NOL4: variants seen among roughly 807,000 people sequenced by gnomAD.
NOL4 encodes the protein cancer/testis antigen 125.
NOL4 carries 17 observed loss-of-function variants against 75.9 expected under a neutral mutation model. The ratio of observed to expected loss-of-function variants is 0.22; its 90% CI spans 0.15 to 0.34. The LOEUF (loss-of-function observed/expected upper bound fraction) is 0.34. Ranked by LOEUF, NOL4 falls within the 10% of genes least tolerant of loss-of-function variation. NOL4 has a pLI of 1.00. For synonymous variants in NOL4, 292 were observed against 289.9 expected (o/e 1.01, Z -0.07); for missense variants, 614 against 793.5 (o/e 0.77, Z 2.72).
chr18:33,859,371 G>A (rs2062983015), intron 10 of NOL4, among the ~76,000 whole-genome samples: 1 of 152,108 alleles, frequency 6.6e-6, no homozygotes, highest in Non-Finnish European at 1.5e-5. Context: ...GAAAGAATAT[G>A]TATTGTTAGA....
chr18:34,183,565 G>T lies in NOL4; in HGVS notation c.264+39425C>A, dbSNP rs562166437. 1.5e-4 allele frequency: 23 copies of T among 152,030 alleles called. No homozygotes were observed. The South Asian group carries it at 3.1e-3, about 21-fold the overall frequency. The allele number at this position is 152,030 out of a possible 1,614,324, so 9.4% of individuals were successfully genotyped here. ...AATTGTAGCAGCTCTATTCATAATT[G>T]CCAAAAATGGAAATCATTCAGATGT... On this transcript the variant is annotated intron_variant, in intron 1 of 10. Transcript: ENST00000261592.
intron 1 of NOL4, among the ~76,000 whole-genome samples, chr18:34,217,056 G>A (rs753217290): frequency 2.6e-5 from 4 of 152,008 alleles, no homozygotes; most frequent in Non-Finnish European, 5.9e-5. Flanking sequence ...GAGGAATCTA[G>A]AATGATGTTC....
chr18:34,085,161 G>A (rs1407377064), intron 5 of NOL4, among the ~76,000 whole-genome samples: 1 of 152,284 alleles, frequency 6.6e-6, no homozygotes, highest in East Asian at 1.9e-4. Flanking sequence ...AATTCAGAAA[G>A]GATATGTATT....
intron 2 of NOL4, among the ~76,000 whole-genome samples, chr18:34,118,533 C>T (rs62095779): frequency 0.045 from 6,906 of 152,206 alleles, 241 homozygotes; most frequent in South Asian, 0.07. Context: ...ACACCAAACT[C>T]CAGAGCGGCC....
chr18:33,970,410 A>G (rs1314469504), intron 6 of NOL4, among the ~76,000 whole-genome samples: 3 of 152,116 alleles, frequency 2.0e-5, no homozygotes, highest in African/African-American at 7.2e-5. Context: ...GTTTTGTTGA[A>G]TCTTTGACAT....
rs1004922808 is a variant in NOL4 at position 34,223,303 on chromosome 18, T to C, written c.-50A>G. The C allele has an allele frequency of 3.1e-6, 5 of 1,597,514 alleles. No homozygotes were observed. The highest frequency in any genetic ancestry group is 4.3e-6 in the Non-Finnish European group (5 of 1,174,626). ...GGATGCTCCCAGCGCACTTCGCACCTGTTCACCCTAGGCTCATGAAAAATG... is the reference window on the plus strand; with the variant it reads ...GGATGCTCCCAGCGCACTTCGCACCCGTTCACCCTAGGCTCATGAAAAATG... On this transcript the variant is annotated 5_prime_UTR_variant, in exon 1 of 11. Transcript: ENST00000261592.
chr18:34,145,670 A>G (rs1190160354), intron 1 of NOL4, among the ~76,000 whole-genome samples: 1 of 151,938 alleles, frequency 6.6e-6, no homozygotes, highest in African/African-American at 2.4e-5. Context: ...AAGAATTTTA[A>G]ATGAACATTA....
intron 1 of NOL4, among the ~76,000 whole-genome samples, chr18:34,144,336 A>C (rs2081312778): frequency 6.6e-6 from 1 of 152,152 alleles, no homozygotes; most frequent in Non-Finnish European, 1.5e-5. Flanking sequence ...ATTCAAGATG[A>C]GTAAATGACA....
chr18:34,071,188 T>G (rs2077499248), intron 5 of NOL4, among the ~76,000 whole-genome samples: 1 of 152,102 alleles, frequency 6.6e-6, no homozygotes, highest in Non-Finnish European at 1.5e-5. Flanking sequence ...TATACATGTA[T>G]CAAAATTTAT....
intron 9 of NOL4, among the ~76,000 whole-genome samples, chr18:33,928,105 A>G (rs1406254596): frequency 6.6e-6 from 1 of 152,210 alleles, no homozygotes; most frequent in East Asian, 1.9e-4. Context: ...TCCACGTGGC[A>G]TAAACCAAAT....
At chr18:34,063,425 A>T (rs1285155358) in intron 5 of NOL4, among the ~76,000 whole-genome samples, 1 of 152,072 alleles carries the variant, frequency 6.6e-6, no homozygotes, top group Admixed American at 6.6e-5. Context: ...TTCCATTTGC[A>T]CTCCATCTTA....
At chr18:34,076,152 G>T (rs977015477) in intron 5 of NOL4, among the ~76,000 whole-genome samples, 2 of 152,128 alleles carry the variant, frequency 1.3e-5, no homozygotes, top group Non-Finnish European at 2.9e-5. Flanking sequence ...ATTTACGAAA[G>T]GTGCTTCCTC....
intron 5 of NOL4, among the ~76,000 whole-genome samples, chr18:34,067,365 A>C (rs1319032433): frequency 6.6e-6 from 1 of 152,148 alleles, no homozygotes; most frequent in East Asian, 1.9e-4. Context: ...TAAATTTTAC[A>C]CTAAGAGATG....
chr18:33,970,540 T>C (rs1410291913), intron 6 of NOL4, among the ~76,000 whole-genome samples: 4 of 152,182 alleles, frequency 2.6e-5, no homozygotes, highest in Non-Finnish European at 4.4e-5. Flanking sequence ...ACAAAATTAT[T>C]ATAAAATTAA....
At chr18:34,060,962 T>C (rs1600441443) in intron 5 of NOL4, among the ~76,000 whole-genome samples, 1 of 152,228 alleles carries the variant, frequency 6.6e-6, no homozygotes, top group Non-Finnish European at 1.5e-5. Flanking sequence ...CTGCTTGATG[T>C]AGTGCAAGTC....
intron 6 of NOL4, among the ~76,000 whole-genome samples, chr18:34,007,655 A>G (rs747780160): frequency 2.0e-5 from 3 of 151,968 alleles, no homozygotes; most frequent in Non-Finnish European, 2.9e-5. Context: ...TACTGACGCT[A>G]TATTAGGGTA....
chr18:34,109,661 G>T (rs2079488061), intron 2 of NOL4, among the ~76,000 whole-genome samples: 1 of 151,268 alleles, frequency 6.6e-6, no homozygotes, highest in Admixed American at 6.6e-5. Flanking sequence ...AAATAATAAG[G>T]ATCAGAATAG....
intron 2 of NOL4, among the ~76,000 whole-genome samples, chr18:34,128,378 G>A (rs1038804710): frequency 5.9e-5 from 9 of 151,772 alleles, no homozygotes; most frequent in African/African-American, 1.4e-4. Flanking sequence ...AAGTCCTGTC[G>A]AGTTCAGGTA....
At chr18:34,043,162 A>G (rs1359412118) in intron 5 of NOL4, among the ~76,000 whole-genome samples, 1 of 152,012 alleles carries the variant, frequency 6.6e-6, no homozygotes, top group Non-Finnish European at 1.5e-5. Context: ...AGTGTGCATG[A>G]TTTTCTTCAT....
Sources: gnomAD v4.1 joint callset for allele counts (sites outside exome capture counted in the v4.1 genomes callset) on GRCh38, gnomAD v4.1.1 for gene constraint, MANE v1.5 for transcripts, NCBI Gene and HGNC (gene_info 2026-07-23, HGNC 2026-07-21) for gene names.